ZNF19: variants seen among roughly 807,000 people sequenced by gnomAD.
ZNF19 encodes zinc finger protein 19.
ZNF19 carries 11 observed loss-of-function variants against 13.1 expected under a neutral mutation model. That is an observed-to-expected ratio of 0.84 (90% confidence interval 0.53 to 1.39). ZNF19 has a LOEUF of 1.39. Ranked by LOEUF, ZNF19 falls within the 40% of genes most tolerant of loss-of-function variation. The pLI is 0.00. For missense variants in ZNF19, 560 were observed against 547.0 expected (o/e 1.02, Z -0.24); for synonymous variants, 186 against 187.0 (o/e 0.99, Z 0.04).
intron 1 of ZNF19, among the ~76,000 whole-genome samples, chr16:71,485,158 C>G (rs554409895): frequency 6.6e-6 from 1 of 152,046 alleles, no homozygotes; most frequent in African/African-American, 2.4e-5. Context: ...TAAGAAAGAC[C>G]AGGTCAGCAG....
At chr16:71,479,843 G>A (rs2043626651) in intron 3 of ZNF19, among the ~76,000 whole-genome samples, 1 of 151,594 alleles carries the variant, frequency 6.6e-6, no homozygotes, top group Non-Finnish European at 1.5e-5. Flanking sequence ...ACCCAGGTTG[G>A]AGTGCAGTGG....
chr16:71,475,068 T>C lies in ZNF19; in HGVS notation c.*102A>G. 7.5e-7 allele frequency: 1 copy of C among 1,342,094 alleles called. No homozygotes were observed. Among genetic ancestry groups the C allele is most frequent in the Non-Finnish European group, 1.0e-6 (1 of 999,428 alleles). The allele number at this position is 1,342,094 out of a possible 1,614,324, so 83.1% of individuals were successfully genotyped here. A position where few individuals can be genotyped will look rare whatever the true frequency, so the allele number is the denominator to read the frequency against. ...CTACTGACATCTGAATCATTAACTGTGGCTTGAGGGATGGATCAGAGGCTG... is the reference window on the plus strand; with the variant it reads ...CTACTGACATCTGAATCATTAACTGCGGCTTGAGGGATGGATCAGAGGCTG... On this transcript the variant is annotated 3_prime_UTR_variant, in exon 6 of 6. Coordinates refer to ENST00000288177, the MANE Select transcript of ZNF19 (RefSeq NM_006961.4).
Position 71,478,352 on chromosome 16 carries a change from G to C in ZNF19, c.161-11C>G. 6.3e-7 allele frequency: 1 copy of C among 1,591,322 alleles called. No homozygotes were observed. The highest frequency in any genetic ancestry group is 1.1e-5 in the South Asian group (1 of 90,114). On this transcript the variant is annotated splice_polypyrimidine_tract_variant and intron_variant, in intron 4 of 5. Transcript: ENST00000288177. ...TGGGAACTGGGTACCCTGAAAACAGGAAGAAAATGGTACTTTTCAGCCCTG... is the reference window on the plus strand; with the variant it reads ...TGGGAACTGGGTACCCTGAAAACAGCAAGAAAATGGTACTTTTCAGCCCTG...
chr16:71,477,958 C>CT (rs2043612728), intron 5 of ZNF19: 2 of 363,810 alleles, frequency 5.5e-6, no homozygotes, highest in Admixed American at 8.6e-5. Flanking sequence ...TGCTCAAAAA[C>CT]TGCTCCTGAA....
rs767800372 is a variant in ZNF19, at chr16:71,479,111, T to C, written c.34-106A>G. The C allele has an allele frequency of 1.1e-5, 17 of 1,511,654 alleles. No individual in the cohort carries two copies. The East Asian group carries it at 2.7e-4, about 24-fold the overall frequency. 93.6% of individuals were successfully genotyped at this position (1,511,654 alleles called of 1,614,324 possible). A position where few individuals can be genotyped will look rare whatever the true frequency, so the allele number is the denominator to read the frequency against. On this transcript the variant is annotated intron_variant, in intron 3 of 5. Transcript: ENST00000288177. Reference sequence around the variant, plus strand: ...ACTTGAGGGAAAGTCCTGTGAGGGATAGGTAATGAGAAAATGTGACAGAAC... The same window carrying C: ...ACTTGAGGGAAAGTCCTGTGAGGGACAGGTAATGAGAAAATGTGACAGAAC...
At chr16:71,483,890 A>G (rs887637518) in intron 2 of ZNF19, among the ~76,000 whole-genome samples, 5 of 152,222 alleles carry the variant, frequency 3.3e-5, no homozygotes, top group African/African-American at 4.8e-5. Flanking sequence ...TAAGTCCACA[A>G]TTTAAATCAC....
At chr16:71,484,795 C>G in intron 1 of ZNF19, 47 bp from the exon 2 acceptor site, 1 of 950,770 alleles carries the variant, frequency 1.1e-6, no homozygotes, top group African/African-American at 1.8e-5. Context: ...AATCTCTAAC[C>G]GAAATTTAGC....
chr16:71,488,651 T>C (rs1251473606), intron 1 of ZNF19, among the ~76,000 whole-genome samples: 2 of 150,744 alleles, frequency 1.3e-5, no homozygotes, highest in Admixed American at 6.6e-5. Context: ...ATACAAAAAT[T>C]AGCCGGGTGT....
rs541314956 is a variant in ZNF19 at position 71,478,032 on chromosome 16, T to G, written c.274+196A>C. 1.3e-4 allele frequency: 68 copies of G among 535,790 alleles called. No individual in the cohort carries two copies. In the East Asian group the frequency reaches 2.1e-3, roughly 17 times the overall value. 33.2% of individuals were successfully genotyped at this position (535,790 alleles called of 1,614,324 possible). A position where few individuals can be genotyped will look rare whatever the true frequency, so the allele number is the denominator to read the frequency against. On this transcript the variant is annotated intron_variant, in intron 5 of 5. Coordinates refer to ENST00000288177, the MANE Select transcript of ZNF19 (RefSeq NM_006961.4). ...AATGTTGAAACTCAGAAAGGAACAATGGATTCAAGGATTGCAGATGAGACG... is the reference window on the plus strand; with the variant it reads ...AATGTTGAAACTCAGAAAGGAACAAGGGATTCAAGGATTGCAGATGAGACG...
rs1597016368 is a variant in ZNF19, at chr16:71,484,661, C to T, written c.-102G>A. On this transcript the variant is annotated 5_prime_UTR_variant, in exon 2 of 6. Transcript: ENST00000288177. ...TTGGCCTTGCACCCAGGCTCACACG[C>T]GTACTCTCTAGGATGCCGGAGCGGT... 2 of 985,390 alleles carry T rather than the reference C, an allele frequency of 2.0e-6. No individual in the cohort carries two copies. Among genetic ancestry groups the T allele is most frequent in the Non-Finnish European group, 2.4e-6 (2 of 829,932 alleles). 61.0% of individuals were successfully genotyped at this position (985,390 alleles called of 1,614,324 possible).
Position 71,476,037 on chromosome 16 carries a change from G to A in ZNF19, c.510C>T (p.Phe170=), listed in dbSNP as rs1271255502. 2 of 1,614,012 alleles carry A rather than the reference G, an allele frequency of 1.2e-6. No individual in the cohort carries two copies. The highest frequency in any genetic ancestry group is 8.5e-7 in the Non-Finnish European group (1 of 1,180,012). ...PFICEECGKS[F]SYFSYYARHQ... The stretch of plus-strand genomic sequence containing the variant: ...GTCTAGCATAGTAAGAAAAGTAGCT[G>A]AAGGATTTCCCACACTCCTCACATA... The change falls in exon 6 of 6, where the codon TTC becomes TTT. Residue 170 remains phenylalanine (F), a synonymous_variant. Transcript: ENST00000288177.
rs140798982 is a variant in ZNF19 at position 71,476,467 on chromosome 16, T to G, written c.275-195A>C. On this transcript the variant is annotated intron_variant, in intron 5 of 5. Coordinates refer to ENST00000288177, the MANE Select transcript of ZNF19 (RefSeq NM_006961.4). ...ACATTGAGGTGGAACAGGGTATCAG[T>G]GGACACAACACACGAGACTGCTTCC... Among the ~76,000 whole-genome samples the G allele has an allele frequency of 7.0e-4, 107 of 152,344 alleles. No homozygotes were observed. In the East Asian group the frequency reaches 0.016, roughly 22 times the overall value.
chr16:71,477,909 T>C, intron 5 of ZNF19: 1 of 245,764 alleles, frequency 4.1e-6, no homozygotes, highest in South Asian at 7.3e-5. Flanking sequence ...AACTTGTACC[T>C]GCCAGAACTT....
chr16:71,482,117 C>A lies in ZNF19; in HGVS notation c.-3G>T, dbSNP rs1456625436. 6.2e-7 allele frequency: 1 copy of A among 1,614,018 alleles called. No homozygotes were observed. The highest frequency in any genetic ancestry group is 1.3e-5 in the African/African-American group (1 of 74,934). The stretch of plus-strand genomic sequence containing the variant: ...GCTTTCAGAGGCATGGCTGCCATGA[C>A]CTGGTCTCCCTCTTAGCAGGCAAAG... On this transcript the variant is annotated 5_prime_UTR_variant, in exon 3 of 6. Coordinates refer to ENST00000288177, the MANE Select transcript of ZNF19 (RefSeq NM_006961.4).
Position 71,478,530 on chromosome 16 carries a change from A to C in ZNF19, c.161-189T>G, listed in dbSNP as rs761831508. The C allele has an allele frequency of 7.1e-6, 5 of 700,146 alleles. No individual in the cohort carries two copies. In the South Asian group the frequency reaches 7.5e-5, roughly 10 times the overall value. 43.4% of individuals were successfully genotyped at this position (700,146 alleles called of 1,614,324 possible). A position where few individuals can be genotyped will look rare whatever the true frequency, so the allele number is the denominator to read the frequency against. ...TTCCTAAAAAAAACACTCAAGGATA[A>C]GTAAGTCAGTGAGATCCACAAGGCA... is the stretch of plus-strand genomic sequence containing the variant. On this transcript the variant is annotated intron_variant, in intron 4 of 5. Transcript: ENST00000288177.
intron 3 of ZNF19, 171 bp from the exon 4 acceptor site, chr16:71,479,176 A>C: frequency 1.3e-6 from 1 of 767,472 alleles, no homozygotes; most frequent in Non-Finnish European, 2.1e-6. Context: ...TACAACGAAA[A>C]ATCTGGAACT....
At chr16:71,484,452 A>G in intron 2 of ZNF19, 137 bp downstream of exon 2, 1 of 927,446 alleles carries the variant, frequency 1.1e-6, no homozygotes, top group South Asian at 5.0e-5. Flanking sequence ...GCCCGCGAGC[A>G]GCCTCCGCTC....
Position 71,482,099 on chromosome 16 carries a change from G to A in ZNF19, c.16C>T (p.Leu6=). The A allele has an allele frequency of 6.2e-7, 1 of 1,614,160 alleles. No individual in the cohort carries two copies. Among genetic ancestry groups the A allele is most frequent in the Non-Finnish European group, 8.5e-7 (1 of 1,180,034 alleles). MAAMP[L]KAQYQEMVTF... ...CAGCTCACCTGGTATTGAGCTTTCAGAGGCATGGCTGCCATGACCTGGTCT... is the reference window on the plus strand; with the variant it reads ...CAGCTCACCTGGTATTGAGCTTTCAAAGGCATGGCTGCCATGACCTGGTCT... The change falls in exon 3 of 6, where the codon CTG becomes TTG. Residue 6 remains leucine, a synonymous_variant. Coordinates refer to ENST00000288177, the MANE Select transcript of ZNF19 (RefSeq NM_006961.4).
rs2043592489 is a variant in ZNF19, at chr16:71,475,263, T to C, written c.1284A>G (p.Leu428=). Reference sequence around the variant, plus strand: ...CAGAGTAGACATGCTCAAGGTGACCTAGCTGGGAAGAAGTCCCAAAGGCCT... The same window carrying C: ...CAGAGTAGACATGCTCAAGGTGACCCAGCTGGGAAGAAGTCCCAAAGGCCT... ...YEKAFGTSSQ[L]GHLEHVYSGE... The change falls in exon 6 of 6, where the codon CTA becomes CTG. Residue 428 remains leucine (L), a synonymous_variant. Coordinates refer to ENST00000288177, the MANE Select transcript of ZNF19 (RefSeq NM_006961.4). 6.2e-7 allele frequency: 1 copy of C among 1,614,228 alleles called. No homozygotes were observed. Among genetic ancestry groups the C allele is most frequent in the Non-Finnish European group, 8.5e-7 (1 of 1,180,038 alleles).
Sources: gnomAD v4.1 joint callset for allele counts (sites outside exome capture counted in the v4.1 genomes callset) on GRCh38, gnomAD v4.1.1 for gene constraint, MANE v1.5 for transcripts, NCBI Gene and HGNC (gene_info 2026-07-23, HGNC 2026-07-21) for gene names.